Variants in P4HA1 observed in about 807,000 individuals in gnomAD.
The protein encoded by P4HA1 is prolyl 4-hydroxylase subunit alpha-1.
Under a neutral mutation model 72.8 loss-of-function variants are expected in P4HA1, and 24 were observed. The observed-to-expected ratio is 0.33, with a 90% CI of 0.24 to 0.46. P4HA1 has a LOEUF of 0.46. P4HA1 is among the 20% of genes least tolerant of loss of function. P4HA1 has a pLI of 1.00. For synonymous variants in P4HA1, 201 were observed against 218.8 expected, an observed-to-expected ratio of 0.92 and a Z score of 0.72; for missense variants, 446 against 640.6, an observed-to-expected ratio of 0.70 and a Z score of 3.28.
At chr10:73,012,669 C>T (rs1448364274) in intron 12 of P4HA1, among the ~76,000 whole-genome samples, 1 of 151,454 alleles carries the variant, frequency 6.6e-6, no homozygotes, top group Non-Finnish European at 1.5e-5. Flanking sequence ...ATAGACTGAA[C>T]AGACAGATTT....
intron 10 of P4HA1, among the ~76,000 whole-genome samples, chr10:73,020,752 AG>A (rs1840116609): frequency 6.6e-6 from 1 of 152,210 alleles, no homozygotes; most frequent in Admixed American, 6.5e-5. Context: ...GTGGGGTGCA[AG>A]GTTGGTTCAA....
intron 8 of P4HA1, among the ~76,000 whole-genome samples, chr10:73,045,267 T>C (rs1415063805): frequency 1.3e-5 from 2 of 151,062 alleles, no homozygotes; most frequent in Non-Finnish European, 3.0e-5. Context: ...TTTGCATAGA[T>C]GGAGGACATA....
intron 4 of P4HA1, among the ~76,000 whole-genome samples, chr10:73,069,474 T>C (rs1011135552): frequency 6.6e-6 from 1 of 152,186 alleles, no homozygotes; most frequent in African/African-American, 2.4e-5. Context: ...TTTGGTGGAA[T>C]TCTTCAAGGA....
rs920360586 is a variant in P4HA1 at position 73,059,424 on chromosome 10, TAAAAAAAAAAAAAAAAAAAAAA to T, written c.464-5856_464-5835del. The stretch of plus-strand genomic sequence containing the variant: ...GGGCAAAATAATGAGACAATATATT[TAAAAAAAAAAAAAAAAAAAAAA>T]AAAAAAAAAAAAAAAGGCTGGGCGC... On this transcript the variant is annotated intron_variant, in intron 5 of 14. Coordinates refer to ENST00000394890, the MANE Select transcript of P4HA1 (RefSeq NM_001017962.3). Among the ~76,000 whole-genome samples the T allele has an allele frequency of 7.4e-4, 18 of 24,178 alleles. 1 individual carries two copies. The South Asian group carries it at 0.011, about 14-fold the overall frequency. 15.9% of individuals were successfully genotyped at this position (24,178 alleles called of 152,430 possible). A position where few individuals can be genotyped will look rare whatever the true frequency, so the allele number is the denominator to read the frequency against.
chr10:73,071,371 G>A (rs1212322008), intron 4 of P4HA1: 2 of 151,830 alleles, frequency 1.3e-5, no homozygotes, highest in East Asian at 1.9e-4. Flanking sequence ...AGTACCCTTG[G>A]AGTATTTTAT....
Position 73,072,286 on chromosome 10 carries a change from A to C in P4HA1, c.174-106T>G, listed in dbSNP as rs1420463643. On this transcript the variant is annotated intron_variant, in intron 3 of 14. Coordinates refer to ENST00000394890, the MANE Select transcript of P4HA1 (RefSeq NM_001017962.3). ...TGACTAGAAGTTTTTGAGTTCAACT[A>C]TATCTGTAGTTTCTTTTTAAAGTAA... The C allele has an allele frequency of 6.1e-6, 5 of 822,452 alleles. No homozygotes were observed. In the East Asian group the frequency reaches 1.0e-4, roughly 17 times the overall value. 50.9% of individuals were successfully genotyped at this position (822,452 alleles called of 1,614,324 possible).
chr10:73,046,210 A>G (rs965414622), intron 8 of P4HA1, among the ~76,000 whole-genome samples: 7 of 152,230 alleles, frequency 4.6e-5, no homozygotes, highest in African/African-American at 7.2e-5. Flanking sequence ...TGTGTAAGAC[A>G]GCAAAGCATG....
chr10:73,013,378 C>T (rs1839948686), intron 12 of P4HA1, among the ~76,000 whole-genome samples: 1 of 152,102 alleles, frequency 6.6e-6, no homozygotes, highest in South Asian at 2.1e-4. Flanking sequence ...TCTTGCAATC[C>T]AGTCACTATG....
intron 1 of P4HA1, among the ~76,000 whole-genome samples, chr10:73,091,903 A>G (rs1446289562): frequency 6.6e-6 from 1 of 152,244 alleles, no homozygotes; most frequent in Non-Finnish European, 1.5e-5. Flanking sequence ...AGGTCAGAGT[A>G]GAATACTCAA....
intron 10 of P4HA1, among the ~76,000 whole-genome samples, chr10:73,020,106 A>G (rs1840099712): frequency 6.6e-6 from 1 of 152,134 alleles, no homozygotes; most frequent in South Asian, 2.1e-4. Context: ...TTTCAGTCAG[A>G]TTGTCAAACA....
At chr10:73,056,183 T>G (rs1589607563) in intron 5 of P4HA1, among the ~76,000 whole-genome samples, 1 of 152,188 alleles carries the variant, frequency 6.6e-6, no homozygotes, top group Admixed American at 6.5e-5. Flanking sequence ...CTGAAACATA[T>G]TATAGCTAAA....
intron 2 of P4HA1, chr10:73,074,131 TTAA>T (rs1448031215): frequency 4.0e-6 from 1 of 250,196 alleles, no homozygotes; most frequent in African/African-American, 2.3e-5. Flanking sequence ...TTTCCAAAGA[TTAA>T]TGTTTCTTCA....
intron 4 of P4HA1, among the ~76,000 whole-genome samples, chr10:73,071,655 A>C (rs1323305015): frequency 6.6e-6 from 1 of 152,084 alleles, no homozygotes; most frequent in Admixed American, 6.6e-5. Flanking sequence ...GATAGAACAC[A>C]GCTAATACTT....
At chr10:73,029,415 C>CAAAA (rs769323241) in intron 10 of P4HA1, among the ~76,000 whole-genome samples, 1 of 56,918 alleles carries the variant, frequency 1.8e-5, no homozygotes, top group East Asian at 5.3e-4. Context: ...GACTCCATCT[C>CAAAA]AAAAAAAAAA....
chr10:73,093,945 A>G (rs1435336602), intron 1 of P4HA1, among the ~76,000 whole-genome samples: 1 of 114,004 alleles, frequency 8.8e-6, no homozygotes, highest in Non-Finnish European at 1.8e-5. Context: ...TTTTATTTGG[A>G]TTTTTTATAT....
intron 5 of P4HA1, chr10:73,065,560 C>T (rs1365983104): frequency 6.6e-6 from 1 of 152,040 alleles, no homozygotes; most frequent in African/African-American, 2.4e-5. Context: ...CATTTCACAC[C>T]CAGATTGCTA....
At chr10:73,066,195 T>C (rs1841417583) in intron 5 of P4HA1, among the ~76,000 whole-genome samples, 1 of 152,220 alleles carries the variant, frequency 6.6e-6, no homozygotes, top group African/African-American at 2.4e-5. Flanking sequence ...TTCATGCTAT[T>C]ATTTTTACCA....
chr10:73,009,365 T>C (rs529272151), intron 14 of P4HA1, among the ~76,000 whole-genome samples: 3 of 152,346 alleles, frequency 2.0e-5, no homozygotes, highest in African/African-American at 4.8e-5. Context: ...GAGCCTCACA[T>C]TAGAACCTGG....
At chr10:73,052,154 G>A (rs1017053895) in intron 6 of P4HA1, among the ~76,000 whole-genome samples, 4 of 150,004 alleles carry the variant, frequency 2.7e-5, no homozygotes, top group Non-Finnish European at 4.4e-5. Flanking sequence ...CTACCTTTTA[G>A]TAGAAGAAAA....
Sources: gnomAD v4.1 joint callset for allele counts (sites outside exome capture counted in the v4.1 genomes callset) on GRCh38, gnomAD v4.1.1 for gene constraint, MANE v1.5 for transcripts, NCBI Gene and HGNC (gene_info 2026-07-23, HGNC 2026-07-21) for gene names.